Variants in ROBO2 observed in about 807,000 individuals in gnomAD.
The protein encoded by ROBO2 is roundabout guidance receptor 2.
In ROBO2, 53 loss-of-function variants were observed where a neutral mutation model predicts 160.8. The observed-to-expected ratio is 0.33, with a 90% confidence interval of 0.26 to 0.41. The LOEUF (loss-of-function observed/expected upper bound fraction) is 0.41. Ranked by LOEUF, ROBO2 falls within the 10% of genes least tolerant of loss-of-function variation. The probability of loss-of-function intolerance (pLI) is 1.00; values close to 1 mark genes in which losing one functional copy is unlikely to be tolerated. For synonymous variants in ROBO2, 664 were observed against 611.7 expected, an observed-to-expected ratio of 1.09 and a Z score of -1.26; for missense variants, 1,577 against 1,722.4, an observed-to-expected ratio of 0.92 and a Z score of 1.49.
At chr3:77,279,028 A>G (rs1035162361) in intron 2 of ROBO2, among the ~76,000 whole-genome samples, 3 of 152,108 alleles carry the variant, frequency 2.0e-5, no homozygotes, top group African/African-American at 7.2e-5. Context: ...GATGCTAATC[A>G]TATTCCTTAG....
intron 2 of ROBO2, among the ~76,000 whole-genome samples, chr3:77,279,754 A>G (rs1196443045): frequency 1.3e-5 from 2 of 151,652 alleles, no homozygotes; most frequent in Non-Finnish European, 1.5e-5. Flanking sequence ...TAACATTAAG[A>G]AAAAAAAATC....
In ROBO2 at chr3:76,073,267, C is replaced by CT. The variant is rs869307615; in HGVS notation, c.109+135709dup. On this transcript the variant is annotated intron_variant, in intron 2 of 26. Transcript: ENST00000487694. Reference sequence around the variant, plus strand: ...TTGTAAACTTCTCAGAATGAGTATTCTTTTTTTTTTTTTTTTTTTTTTTTT... The same window carrying CT: ...TTGTAAACTTCTCAGAATGAGTATTCTTTTTTTTTTTTTTTTTTTTTTTTTT... Among the ~76,000 whole-genome samples, 57 of 57,392 alleles carry CT rather than the reference C, an allele frequency of 9.9e-4. 16 individuals carry two copies. Among genetic ancestry groups the CT allele is most frequent in the Non-Finnish European group, 1.3e-3 (36 of 28,424 alleles). 37.7% of individuals were successfully genotyped at this position (57,392 alleles called of 152,430 possible).
intron 1 of ROBO2, among the ~76,000 whole-genome samples, chr3:77,095,136 C>A (rs1289692401): frequency 2.0e-5 from 3 of 151,944 alleles, no homozygotes; most frequent in Non-Finnish European, 4.4e-5. Context: ...TTCTTGTAAT[C>A]ATTTCATAGT....
intron 2 of ROBO2, among the ~76,000 whole-genome samples, chr3:75,973,144 T>A (rs1003465855): frequency 1.1e-4 from 17 of 151,652 alleles, no homozygotes; most frequent in Admixed American, 2.6e-4. Flanking sequence ...AATAAAACTA[T>A]TATCAGAATG....
intron 2 of ROBO2, among the ~76,000 whole-genome samples, chr3:77,463,829 C>T (rs1232711574): frequency 6.6e-6 from 1 of 152,108 alleles, no homozygotes; most frequent in African/African-American, 2.4e-5. Flanking sequence ...GATCCCCCGA[C>T]CTCGTGGCCT....
At position 76,272,787 on chromosome 3, in the gene ROBO2, AAAATATATATATATAAAATATATAATATG is replaced by A. The variant is rs1322475017; in HGVS notation, c.109+335186_109+335214del. On this transcript the variant is annotated intron_variant, in intron 2 of 26. Coordinates refer to the ROBO2 transcript ENST00000487694. Reference sequence around the variant, plus strand: ...ATATATATTTATATATAAAATATATAAAATATATATATATAAAATATATAATATGTATTTATATATAAAATATATATATT... The same window carrying A: ...ATATATATTTATATATAAAATATATATATTTATATATAAAATATATATATT... 1.2e-3 allele frequency among the ~76,000 whole-genome samples: 18 copies of A among 15,302 alleles called. 3 individuals carry two copies. Among genetic ancestry groups the A allele is most frequent in the African/African-American group, 2.8e-3 (18 of 6,348 alleles). 10.0% of individuals were successfully genotyped at this position (15,302 alleles called of 152,430 possible). A position where few individuals can be genotyped will look rare whatever the true frequency, so the allele number is the denominator to read the frequency against.
intron 2 of ROBO2, among the ~76,000 whole-genome samples, chr3:77,155,207 G>T (rs2077897909): frequency 6.6e-6 from 1 of 151,966 alleles, no homozygotes; most frequent in African/African-American, 2.4e-5. Flanking sequence ...CCTAATCCCT[G>T]AATATATCTG....
At chr3:76,649,489 C>T (rs1184926394) in intron 2 of ROBO2, among the ~76,000 whole-genome samples, 1 of 150,358 alleles carries the variant, frequency 6.7e-6, no homozygotes, top group African/African-American at 2.4e-5. Context: ...ATTTCACATT[C>T]CTAAAACAAT....
chr3:75,984,483 C>G (rs2065360012), intron 2 of ROBO2, among the ~76,000 whole-genome samples: 1 of 151,220 alleles, frequency 6.6e-6, no homozygotes, highest in Admixed American at 6.6e-5. Context: ...GAACTGAGAG[C>G]ATTTGAATAC....
chr3:76,863,465 A>C (rs376851064), intron 2 of ROBO2, among the ~76,000 whole-genome samples: 62 of 151,548 alleles, frequency 4.1e-4, no homozygotes, highest in African/African-American at 1.4e-3. Context: ...AAAAGAAAAG[A>C]AAGAAAATAA....
chr3:76,931,638 A>G (rs1187079917), intron 2 of ROBO2, among the ~76,000 whole-genome samples: 1 of 151,784 alleles, frequency 6.6e-6, no homozygotes, highest in African/African-American at 2.4e-5. Context: ...AATACTTTTA[A>G]GTATCTTCGT....
At chr3:76,882,003 G>A (rs2073384984) in intron 2 of ROBO2, among the ~76,000 whole-genome samples, 1 of 151,284 alleles carries the variant, frequency 6.6e-6, no homozygotes, top group African/African-American at 2.4e-5. Context: ...GTGTCTGTTG[G>A]GTGGTAGTTT....
At chr3:77,099,499 G>A (rs1177999117) in intron 2 of ROBO2, among the ~76,000 whole-genome samples, 1 of 152,134 alleles carries the variant, frequency 6.6e-6, no homozygotes, top group Non-Finnish European at 1.5e-5. Context: ...TGAGCTATGA[G>A]CAGTAGGACT....
At chr3:77,535,084 A>T (rs2092005364) in intron 6 of ROBO2, among the ~76,000 whole-genome samples, 1 of 152,230 alleles carries the variant, frequency 6.6e-6, no homozygotes, top group African/African-American at 2.4e-5. Context: ...TAGGATGGTG[A>T]CTTACTAAGC....
intron 2 of ROBO2, among the ~76,000 whole-genome samples, chr3:77,335,813 T>C (rs2066438423): frequency 6.6e-6 from 1 of 152,206 alleles, no homozygotes. Context: ...AACTTTGATT[T>C]TAAAGAGCTG....
intron 2 of ROBO2, among the ~76,000 whole-genome samples, chr3:76,746,891 G>A (rs928411847): frequency 1.3e-5 from 2 of 152,068 alleles, no homozygotes; most frequent in African/African-American, 4.8e-5. Flanking sequence ...TTATAAGTGA[G>A]AACATGCGGC....
chr3:77,607,142 G>A (rs369544102), intron 20 of ROBO2, among the ~76,000 whole-genome samples: 4 of 152,234 alleles, frequency 2.6e-5, no homozygotes, highest in African/African-American at 4.8e-5. Context: ...ACTGATTACT[G>A]TATTAATTTT....
intron 2 of ROBO2, among the ~76,000 whole-genome samples, chr3:76,426,325 T>C (rs2076219209): frequency 6.6e-6 from 1 of 152,004 alleles, no homozygotes; most frequent in Non-Finnish European, 1.5e-5. Flanking sequence ...ATATTCACAA[T>C]TAAGGAGTCA....
chr3:76,352,806 T>C (rs750603271), intron 2 of ROBO2, among the ~76,000 whole-genome samples: 32 of 152,026 alleles, frequency 2.1e-4, no homozygotes, highest in Non-Finnish European at 4.4e-4. Context: ...GTGCTTCAAC[T>C]GAATTCCAGG....
Sources: gnomAD v4.1 joint callset for allele counts (sites outside exome capture counted in the v4.1 genomes callset) on GRCh38, gnomAD v4.1.1 for gene constraint, MANE v1.5 for transcripts, NCBI Gene and HGNC (gene_info 2026-07-23, HGNC 2026-07-21) for gene names.